Variants in AGGF1 observed in about 807,000 individuals in gnomAD.
AGGF1 encodes angiogenic factor with G-patch and FHA domains 1, also known as angiogenic factor with G patch and FHA domains 1.
In AGGF1, 56 loss-of-function variants were observed where a neutral mutation model predicts 86.5. The ratio of observed to expected loss-of-function variants is 0.65; its 90% CI spans 0.52 to 0.81. The LOEUF is 0.81. Among genes scored for constraint, AGGF1 ranks in the 30% least tolerant of loss-of-function variants. AGGF1 has a pLI of 0.00. For synonymous variants in AGGF1, 313 were observed against 297.1 expected (o/e 1.05, Z -0.55); for missense variants, 816 against 850.9 (o/e 0.96, Z 0.51).
At chr5:77,048,646 G>T (rs1156601538) in intron 7 of AGGF1, among the ~76,000 whole-genome samples, 2 of 152,136 alleles carry the variant, frequency 1.3e-5, no homozygotes, top group African/African-American at 4.8e-5. Flanking sequence ...TGCCACGCCT[G>T]GCCATTATGT....
intron 1 of AGGF1, among the ~76,000 whole-genome samples, chr5:77,034,041 G>C (rs1746918739): frequency 6.6e-6 from 1 of 152,174 alleles, no homozygotes; most frequent in African/African-American, 2.4e-5. Flanking sequence ...ATTCCCAGTG[G>C]AGAATACCAA....
Position 77,039,542 on chromosome 5 carries a change from C to G in AGGF1, c.693C>G (p.Leu231=), listed in dbSNP as rs1207205435. The G allele has an allele frequency of 3.7e-6, 6 of 1,601,986 alleles. No homozygotes were observed. Among genetic ancestry groups the G allele is most frequent in the Non-Finnish European group, 5.1e-6 (6 of 1,172,996 alleles). The change falls in exon 5 of 14, where the codon CTC becomes CTG. Residue 231 remains leucine, a synonymous_variant. Coordinates refer to ENST00000312916, the MANE Select transcript of AGGF1 (RefSeq NM_018046.5). The part of the protein sequence containing the change: ...TGFYYDSENQ[L]YYDPSTGIYY... ...CTTGACTTTCAAAGGAAAATCAACT[C>G]TATTATGATCCTTCCACTGGAATTT...
intron 5 of AGGF1, among the ~76,000 whole-genome samples, chr5:77,042,658 A>G (rs1580127429): frequency 1.5e-4 from 4 of 27,230 alleles, no homozygotes; most frequent in Non-Finnish European, 1.6e-4. Context: ...TCCATCCCGG[A>G]CGGGGCGGCT....
intron 6 of AGGF1, among the ~76,000 whole-genome samples, chr5:77,047,705 A>G (rs1747296109): frequency 6.6e-6 from 1 of 151,902 alleles, no homozygotes; most frequent in African/African-American, 2.4e-5. Context: ...TTTAGTAGAG[A>G]CAGGGTTTGA....
chr5:77,046,383 G>C lies in AGGF1; in HGVS notation c.907G>C (p.Glu303Gln). The change falls in exon 6 of 14, where the codon GAA becomes CAA. Residue 303 changes from glutamate (E) to glutamine (Q), a missense_variant. This residue lies in a region of AGGF1 where 565 missense variants were observed against 585.8 expected (regional missense o/e 0.96). Coordinates refer to ENST00000312916, the MANE Select transcript of AGGF1 (RefSeq NM_018046.5). ...AGAGGATCAAAAAGCCTTCAGTGTT[G>C]AACATACAAGCTGCAATGAGGAAGA... The part of the protein sequence containing the change: ...NSEDQKAFSV[E>Q]HTSCNEEENF... The C allele has an allele frequency of 6.2e-7, 1 of 1,613,790 alleles. No homozygotes were observed. Among genetic ancestry groups the C allele is most frequent in the East Asian group, 2.2e-5 (1 of 44,870 alleles).
rs1746972012 is a variant in AGGF1, at chr5:77,036,581, A to C, written c.542A>C (p.Glu181Ala). Reference sequence around the variant, plus strand: ...GAGCCAGCATCTGCATTAGCAACAGAAGATACCTCCTTAGAAGGCTCATCA... The same window carrying C: ...GAGCCAGCATCTGCATTAGCAACAGCAGATACCTCCTTAGAAGGCTCATCA... ...SQEPASALAT[E>A]DTSLEGSSLA... is the part of the protein sequence containing the mutation. Residue 181 changes from glutamate to alanine, a missense_variant, in exon 4 of 14, where the codon GAA becomes GCA. Physicochemically the swap from Glu to Ala is moderately radical, Grantham distance 107. This residue lies in a region of AGGF1 where 240 missense variants were observed against 234.4 expected (regional missense o/e 1.02). Transcript: ENST00000312916. 1 of 1,614,050 alleles carries C rather than the reference A, an allele frequency of 6.2e-7. No individual in the cohort carries two copies.
In AGGF1 at chr5:77,030,655, G is replaced by C. The variant is rs537340432; in HGVS notation, c.-112G>C. On this transcript the variant is annotated 5_prime_UTR_variant, in exon 1 of 14. Coordinates refer to ENST00000312916, the MANE Select transcript of AGGF1 (RefSeq NM_018046.5). ...CAGGGGCCACCGCGGCCAGCCGGGT[G>C]TGAGGCTGCCTTTCGCTGCCCGCGC... The C allele has an allele frequency of 4.8e-5, 60 of 1,261,108 alleles. No individual in the cohort carries two copies. The South Asian group carries it at 7.3e-4, about 15-fold the overall frequency. The allele number at this position is 1,261,108 out of a possible 1,614,324, so 78.1% of individuals were successfully genotyped here.
At chr5:77,050,306 C>CTTTTTTTTTTTTTTTTTTT (rs10595061) in intron 8 of AGGF1, among the ~76,000 whole-genome samples, 8 of 76,566 alleles carry the variant, frequency 1.0e-4, no homozygotes, top group East Asian at 4.2e-4. Flanking sequence ...TTCTTTGTTT[C>CTTTTTTTTTTTTTTTTTTT]TTTTTTTTTT....
At chr5:77,051,485 C>T (rs1350774278) in intron 8 of AGGF1, among the ~76,000 whole-genome samples, 2 of 150,720 alleles carry the variant, frequency 1.3e-5, no homozygotes, top group African/African-American at 4.9e-5. Context: ...AAGTTAAAAT[C>T]ACAATGATAA....
chr5:77,030,834 C>T lies in AGGF1; in HGVS notation c.68C>T (p.Ala23Val). The T allele has an allele frequency of 6.2e-7, 1 of 1,611,360 alleles. No individual in the cohort carries two copies. ...PPPTSPEPELAQLRRKVEKLE... is the reference protein window; with the variant it reads ...PPPTSPEPELVQLRRKVEKLE... ...CCCACCTCCCCCGAGCCTGAGCTGG[C>T]CCAGCTAAGGCGGAAGGTGGAGAAG... Residue 23 changes from alanine (A) to valine (V), a missense_variant, in exon 1 of 14, where the codon GCC becomes GTC. Transcript: ENST00000312916.
In AGGF1 at chr5:77,053,262, T is replaced by C. The variant is rs573915450; in HGVS notation, c.1467+455T>C. On this transcript the variant is annotated intron_variant, in intron 9 of 13. Transcript: ENST00000312916. ...CTGGGCGTGTTGGTTCTGACGCCTG[T>C]AATCCCAGCACTTTGGGAGCCCGAG... Among the ~76,000 whole-genome samples, 4 of 152,352 alleles carry C rather than the reference T, an allele frequency of 2.6e-5. No homozygotes were observed. The South Asian group carries it at 8.3e-4, about 32-fold the overall frequency.
intron 11 of AGGF1, among the ~76,000 whole-genome samples, chr5:77,057,495 C>T (rs752978057): frequency 2.6e-5 from 4 of 152,188 alleles, no homozygotes; most frequent in Non-Finnish European, 4.4e-5. Flanking sequence ...AGATAAAACA[C>T]GTGTATGTGC....
intron 4 of AGGF1, 49 bp downstream of exon 4, chr5:77,036,769 C>T (rs907684251): frequency 1.3e-6 from 2 of 1,593,604 alleles, no homozygotes; most frequent in East Asian, 2.2e-5. Context: ...AGACAGTCTC[C>T]CTCTGTCACC....
intron 6 of AGGF1, 80 bp downstream of exon 6, chr5:77,046,757 G>C: frequency 7.7e-7 from 1 of 1,304,022 alleles, no homozygotes; most frequent in Non-Finnish European, 1.1e-6. Flanking sequence ...ATGTTAGTGA[G>C]TTGTAGTATA....
chr5:77,049,037 A>G (rs1384555224), intron 8 of AGGF1, 50 bp downstream of exon 8: 6 of 1,552,772 alleles, frequency 3.9e-6, no homozygotes, highest in Middle Eastern at 1.8e-4. Context: ...AATTTTTTAT[A>G]TTATTATTAC....
intron 4 of AGGF1, among the ~76,000 whole-genome samples, chr5:77,037,845 T>C (rs1746993041): frequency 6.6e-6 from 1 of 152,206 alleles, no homozygotes; most frequent in Non-Finnish European, 1.5e-5. Flanking sequence ...ATCTAAAATA[T>C]AATGGACCAC....
Position 77,030,762 on chromosome 5 carries a change from A to C in AGGF1, c.-5A>C, listed in dbSNP as rs775575162. 1 of 1,566,900 alleles carries C rather than the reference A, an allele frequency of 6.4e-7. No individual in the cohort carries two copies. Among genetic ancestry groups the C allele is most frequent in the Non-Finnish European group, 8.6e-7 (1 of 1,162,970 alleles). The stretch of plus-strand genomic sequence containing the variant: ...GCGGCGACGAGCAGTCTCGCGCCGG[A>C]GCTCATGGCCTCGGAGGCGCCGTCC... On this transcript the variant is annotated 5_prime_UTR_variant, in exon 1 of 14. Transcript: ENST00000312916.
Position 77,039,766 on chromosome 5 carries a change from ATAAT to A in AGGF1, c.870+51_870+54del, listed in dbSNP as rs762960174. ...AAATTGACATAATGGTGATAACATGATAATTAAGACAAAATTTTTTATGAAACTG... is the reference window on the plus strand; with the variant it reads ...AAATTGACATAATGGTGATAACATGATAAGACAAAATTTTTTATGAAACTG... On this transcript the variant is annotated intron_variant, in intron 5 of 13. Transcript: ENST00000312916. The A allele has an allele frequency of 6.4e-5, 98 of 1,537,894 alleles. 1 individual carries two copies. In the African/African-American group the frequency reaches 1.1e-3, roughly 18 times the overall value.
intron 5 of AGGF1, among the ~76,000 whole-genome samples, chr5:77,045,284 ATGTGT>A (rs1392479762): frequency 6.6e-6 from 1 of 152,200 alleles, no homozygotes; most frequent in African/African-American, 2.4e-5. Context: ...GTTAATAACA[ATGTGT>A]TGTATTATTG....
Sources: allele counts gnomAD v4.1 joint callset (sites outside exome capture counted in the v4.1 genomes callset), GRCh38; gene constraint gnomAD v4.1.1; regional missense constraint gnomAD v4.1.1; transcripts MANE v1.5; gene names NCBI Gene and HGNC (gene_info 2026-07-23, HGNC 2026-07-21).